Variants in PTK2 observed in about 807,000 individuals in gnomAD.
The protein encoded by PTK2 is focal adhesion kinase 1.
Under a neutral mutation model 150.1 loss-of-function variants are expected in PTK2, and 45 were observed. That is an observed-to-expected ratio of 0.30 (90% CI 0.24 to 0.38). The LOEUF (loss-of-function observed/expected upper bound fraction) is 0.38. Ranked by LOEUF, PTK2 falls within the 10% of genes least tolerant of loss-of-function variation. PTK2 has a pLI of 1.00. For missense variants in PTK2, 919 were observed against 1,307.3 expected (o/e 0.70, Z 4.58); for synonymous variants, 432 against 449.2 (o/e 0.96, Z 0.48).
intron 2 of PTK2, among the ~76,000 whole-genome samples, chr8:140,900,604 C>A (rs2100158065): frequency 2.0e-5 from 3 of 151,918 alleles, no homozygotes; most frequent in African/African-American, 7.3e-5. Context: ...TGCCTGTAAT[C>A]CCAGCTACTC....
chr8:140,674,272 G>T, intron 29 of PTK2, 26 bp downstream of exon 32: 1 of 1,569,888 alleles, frequency 6.4e-7, no homozygotes, highest in South Asian at 1.1e-5. Context: ...GCAAGCAGAA[G>T]GTGCTGCACA....
chr8:140,732,550 G>A (rs762595689), intron 22 of PTK2: 3 of 528,748 alleles, frequency 5.7e-6, no homozygotes, highest in South Asian at 4.3e-5. Flanking sequence ...TGGCCTGGAG[G>A]TTTGGGCAAC....
exon 11 of PTK2, chr8:140,803,633 G>T (rs879104242): frequency 1.2e-6 from 2 of 1,613,592 alleles, no homozygotes; most frequent in Non-Finnish European, 1.7e-6. Context: ...CTTGAGTGAA[G>T]TCAGCAAGAT....
At chr8:140,686,923 G>A in intron 26 of PTK2, 1 of 521,408 alleles carries the variant, frequency 1.9e-6, no homozygotes. Flanking sequence ...TACCTGCACT[G>A]GCCCACCCAG....
chr8:140,762,985 T>A (rs1367731435), intron 15 of PTK2, among the ~76,000 whole-genome samples: 1 of 152,200 alleles, frequency 6.6e-6, no homozygotes, highest in African/African-American at 2.4e-5. Context: ...TCTTGTTATG[T>A]CACCTAGGTT....
chr8:140,687,065 G>A (rs563466776), intron 26 of PTK2: 2 of 200,990 alleles, frequency 1.0e-5, no homozygotes, highest in Admixed American at 5.8e-5. Context: ...TGGCTTATAC[G>A]GATTTAGCTG....
At chr8:140,776,914 G>C (rs2100078788) in intron 14 of PTK2, among the ~76,000 whole-genome samples, 1 of 152,216 alleles carries the variant, frequency 6.6e-6, no homozygotes. Flanking sequence ...GCTGAATAAT[G>C]AGTGAAGTAG....
intron 22 of PTK2, among the ~76,000 whole-genome samples, chr8:140,734,330 T>A (rs1215710611): frequency 6.6e-6 from 1 of 152,234 alleles, no homozygotes; most frequent in Non-Finnish European, 1.5e-5. Context: ...ATGTGTTATA[T>A]TACAGTATCT....
rs541225045 is a variant in PTK2 at position 140,876,420 on chromosome 8, TTGAAAAGTC to T, written c.362+3042_362+3050del. Reference sequence around the variant, plus strand: ...ATTTTCTTGGCATCTATTATTGTTGTTGAAAAGTCTGAATTTTTCTCTGGGTGTCATCCT... The same window carrying T: ...ATTTTCTTGGCATCTATTATTGTTGTTGAATTTTTCTCTGGGTGTCATCCT... On this transcript the variant is annotated intron_variant, in intron 4 of 31. Transcript: ENST00000522684. Among the ~76,000 whole-genome samples the T allele has an allele frequency of 8.5e-5, 13 of 152,342 alleles. No homozygotes were observed. In the South Asian group the frequency reaches 2.7e-3, roughly 32 times the overall value.
chr8:140,676,408 T>A (rs972884593), intron 27 of PTK2, among the ~76,000 whole-genome samples: 385 of 32,102 alleles, frequency 0.012, 1 homozygote, highest in African/African-American at 0.051. Context: ...ATTAATTAAT[T>A]AATTAATATA....
In PTK2 at chr8:140,781,737, G is replaced by A. The variant is rs140493065; in HGVS notation, c.1177+7737C>T. ...GCTGAGACGAGTTCAGCTCAAGGGTGAAGGAGTGGTTCCGGGTCCTTTTTC... is the reference window on the plus strand; with the variant it reads ...GCTGAGACGAGTTCAGCTCAAGGGTAAAGGAGTGGTTCCGGGTCCTTTTTC... On this transcript the variant is annotated intron_variant, in intron 14 of 31. Transcript: ENST00000522684. 4.2e-3 allele frequency among the ~76,000 whole-genome samples: 644 copies of A among 152,320 alleles called. 3 individuals carry two copies. Among genetic ancestry groups the A allele is most frequent in the African/African-American group, 0.015 (603 of 41,568 alleles).
At chr8:140,840,743 A>C (rs1288872367) in intron 7 of PTK2, among the ~76,000 whole-genome samples, 3 of 152,210 alleles carry the variant, frequency 2.0e-5, no homozygotes, top group South Asian at 4.1e-4. Flanking sequence ...TAAATAATAA[A>C]AGCGAGTCCA....
At position 140,992,855 on chromosome 8, in the gene PTK2, T is replaced by C. The variant is rs114243405; in HGVS notation, c.-122+8270A>G. ...AAAAGACTCTGAACAAGGTCAAGGATGAGCGGCACAGTGCATAACTCACAC... is the reference window on the plus strand; with the variant it reads ...AAAAGACTCTGAACAAGGTCAAGGACGAGCGGCACAGTGCATAACTCACAC... On this transcript the variant is annotated intron_variant, in intron 1 of 31. Transcript: ENST00000522684. Among the ~76,000 whole-genome samples the C allele has an allele frequency of 2.0e-3, 299 of 152,376 alleles. 2 individuals are homozygous for C. Among genetic ancestry groups the C allele is most frequent in the African/African-American group, 6.9e-3 (288 of 41,588 alleles).
intron 12 of PTK2, among the ~76,000 whole-genome samples, chr8:140,798,515 G>A (rs1413712603): frequency 6.6e-6 from 1 of 152,122 alleles, no homozygotes; most frequent in East Asian, 1.9e-4. Context: ...AGCTTAAAAA[G>A]CATCGCATTT....
chr8:140,767,754 G>C (rs912149129), intron 14 of PTK2, among the ~76,000 whole-genome samples: 3 of 152,180 alleles, frequency 2.0e-5, no homozygotes, highest in Non-Finnish European at 4.4e-5. Context: ...ATACAGGCAG[G>C]AGCCACTGCA....
intron 1 of PTK2, among the ~76,000 whole-genome samples, chr8:140,987,902 A>G (rs1423520922): frequency 1.3e-5 from 2 of 151,998 alleles, no homozygotes; most frequent in Non-Finnish European, 2.9e-5. Context: ...TTAATTAGCC[A>G]TGTGTGATGG....
intron 8 of PTK2, among the ~76,000 whole-genome samples, chr8:140,828,611 G>A (rs1196079017): frequency 1.3e-5 from 2 of 152,162 alleles, no homozygotes; most frequent in Non-Finnish European, 2.9e-5. Context: ...ACCATCAACA[G>A]AACATTGGGT....
At chr8:140,674,310 G>A (rs767275497) in exon 29 of PTK2, 25 of 1,605,160 alleles carry the variant, frequency 1.6e-5, no homozygotes, top group Non-Finnish European at 1.9e-5. Flanking sequence ...TGACACCCTC[G>A]TTGTAGCTGT....
chr8:140,853,160 T>C (rs1185092775), intron 5 of PTK2, among the ~76,000 whole-genome samples: 1 of 151,694 alleles, frequency 6.6e-6, no homozygotes, highest in African/African-American at 2.4e-5. Flanking sequence ...CCAGAGTCTC[T>C]GCTTGGCAAA....
Sources: gnomAD v4.1 joint callset for allele counts (sites outside exome capture counted in the v4.1 genomes callset) on GRCh38, gnomAD v4.1.1 for gene constraint, MANE v1.5 for transcripts, NCBI Gene and HGNC (gene_info 2026-07-23, HGNC 2026-07-21) for gene names.